CRNN: variants seen among roughly 807,000 people sequenced by gnomAD.
The protein encoded by CRNN is cornulin, also known as 53 kDa putative calcium-binding protein.
In CRNN, 39 loss-of-function variants were observed where a neutral mutation model predicts 44.7. The ratio of observed to expected loss-of-function variants is 0.87; its 90% CI spans 0.68 to 1.14. The LOEUF (loss-of-function observed/expected upper bound fraction) is 1.14, where lower values mean the gene tolerates loss of function less well. CRNN is among the 50% of genes most tolerant of loss of function. CRNN has a pLI of 0.00. For missense variants in CRNN, 606 were observed against 605.1 expected, an observed-to-expected ratio of 1.00 and a Z score of -0.02; for synonymous variants, 240 against 231.8, an observed-to-expected ratio of 1.04 and a Z score of -0.32.
chr1:152,410,172 G>T lies in CRNN; in HGVS notation c.910C>A (p.Gln304Lys). The T allele has an allele frequency of 1.2e-6, 2 of 1,613,292 alleles. No homozygotes were observed. Among genetic ancestry groups the T allele is most frequent in the Non-Finnish European group, 1.7e-6 (2 of 1,179,868 alleles). The change falls in exon 3 of 3, where the codon CAG (glutamine) becomes AAG (lysine). Residue 304 changes from glutamine (Q) to lysine (K), a missense_variant. Physicochemically the swap from Gln to Lys is moderately conservative, Grantham distance 53. Coordinates refer to ENST00000271835, the MANE Select transcript of CRNN (RefSeq NM_016190.3). ...HTQTPTQTVE[Q>K]DSSHQTGSTS... The stretch of plus-strand genomic sequence containing the variant: ...CTTCCTGTCTGGTGGCTGCTGTCCT[G>T]CTCCACGGTCTGGGTGGGTGTCTGG...
Position 152,410,075 on chromosome 1 carries a change from C to G in CRNN, c.1007G>C (p.Ser336Thr), listed in dbSNP as rs773646996. 1 of 1,613,880 alleles carries G rather than the reference C, an allele frequency of 6.2e-7. No individual in the cohort carries two copies. The highest frequency in any genetic ancestry group is 1.3e-5 in the African/African-American group (1 of 74,848). The part of the protein sequence containing the change: ...RGTEIHGQGR[S>T]QTSQAVTGGH... Reference sequence around the variant, plus strand: ...TCCTGTCACAGCCTGGCTGGTCTGGCTCCTGCCTTGACCGTGGATCTCAGT... The same window carrying G: ...TCCTGTCACAGCCTGGCTGGTCTGGGTCCTGCCTTGACCGTGGATCTCAGT... The change falls in exon 3 of 3, where the codon AGC becomes ACC. Residue 336 changes from serine (S) to threonine (T), a missense_variant. Transcript: ENST00000271835.
At position 152,410,215 on chromosome 1, in the gene CRNN, T is replaced by C. The variant is rs1570965640; in HGVS notation, c.867A>G (p.Ile289Met). ...GTGTCTGGGTGTGTGTCCCTGCCTG[T>C]ATCTGAGCATGTCCTCCTGTCACAG... ...SQAVTGGHAQ[I>M]QAGTHTQTPT... Residue 289 changes from isoleucine (I) to methionine (M), a missense_variant, in exon 3 of 3, where the codon ATA (isoleucine) becomes ATG (methionine). Physicochemically the swap from Ile to Met is conservative, Grantham distance 10. Coordinates refer to ENST00000271835, the MANE Select transcript of CRNN (RefSeq NM_016190.3). 4 of 1,613,666 alleles carry C rather than the reference T, an allele frequency of 2.5e-6. No individual in the cohort carries two copies. Among genetic ancestry groups the C allele is most frequent in the Non-Finnish European group, 3.4e-6 (4 of 1,179,868 alleles).
rs754137965 is a variant in CRNN, at chr1:152,410,620, G to T, written c.462C>A (p.Thr154=). 1.2e-6 allele frequency: 2 copies of T among 1,614,078 alleles called. No individual in the cohort carries two copies. Among genetic ancestry groups the T allele is most frequent in the Non-Finnish European group, 1.7e-6 (2 of 1,180,006 alleles). Residue 154 remains threonine, a synonymous_variant, in exon 3 of 3, where the codon ACC becomes ACA. Transcript: ENST00000271835. ...ACGCAGAGCCAGTGGCCTGACCCTGGGTCTGAACCCCAGGCCTGTTCTGCC... is the reference window on the plus strand; with the variant it reads ...ACGCAGAGCCAGTGGCCTGACCCTGTGTCTGAACCCCAGGCCTGTTCTGCC... The part of the protein sequence containing the change: ...SRGQNRPGVQ[T]QGQATGSAWV...
rs960701253 is a variant in CRNN at position 152,410,828 on chromosome 1, C to T, written c.254G>A (p.Cys85Tyr). ...AGCACTCTCGCTCAGTGTCTTGAAA[C>T]AGGCCTGGGCAACTTTAAACACTAA... Reference protein sequence around the residue: ...LVLVFKVAQACFKTLSESAEG... With the variant: ...LVLVFKVAQAYFKTLSESAEG... The change falls in exon 3 of 3, where the codon TGT becomes TAT. Residue 85 changes from cysteine (C) to tyrosine (Y), a missense_variant. Cys to Tyr is a radical substitution (Grantham distance 194). Coordinates refer to ENST00000271835, the MANE Select transcript of CRNN (RefSeq NM_016190.3). 2.5e-6 allele frequency: 4 copies of T among 1,614,118 alleles called. No homozygotes were observed. The highest frequency in any genetic ancestry group is 2.7e-5 in the African/African-American group (2 of 74,940).
chr1:152,413,636 G>T (rs1447061346), intron 1 of CRNN, among the ~76,000 whole-genome samples: 1 of 152,142 alleles, frequency 6.6e-6, no homozygotes, highest in African/African-American at 2.4e-5. Flanking sequence ...AAAAACTGGG[G>T]ATGTTTTCCT....
chr1:152,411,044 C>T, intron 2 of CRNN, 101 bp from the exon 3 acceptor site: 1 of 1,475,608 alleles, frequency 6.8e-7, no homozygotes, highest in Non-Finnish European at 8.9e-7. Flanking sequence ...AGACCCCACA[C>T]TACACACACA....
rs1655790384 is a variant in CRNN at position 152,412,229 on chromosome 1, G to A, written c.5C>T (p.Pro2Leu). 3 of 1,607,828 alleles carry A rather than the reference G, an allele frequency of 1.9e-6. No homozygotes were observed. The highest frequency in any genetic ancestry group is 1.1e-5 in the South Asian group (1 of 90,724). The change falls in exon 2 of 3, where the codon CCT becomes CTT. Residue 2 changes from proline to leucine, a missense_variant. By Grantham distance (98) the Pro-to-Leu change is moderately conservative. Coordinates refer to ENST00000271835, the MANE Select transcript of CRNN (RefSeq NM_016190.3). ...CCCATTAATGTTTTGCAGTAACTGAGGCATCTTTGAAGTCAACCTGGAAAA... is the reference window on the plus strand; with the variant it reads ...CCCATTAATGTTTTGCAGTAACTGAAGCATCTTTGAAGTCAACCTGGAAAA... M[P>L]QLLQNINGII...
At position 152,410,291 on chromosome 1, in the gene CRNN, T is replaced by C; in HGVS notation, c.791A>G (p.Gln264Arg). 6.2e-7 allele frequency: 1 copy of C among 1,614,060 alleles called. No individual in the cohort carries two copies. Among genetic ancestry groups the C allele is most frequent in the Non-Finnish European group, 8.5e-7 (1 of 1,180,000 alleles). The change falls in exon 3 of 3, where the codon CAG becomes CGG. Residue 264 changes from glutamine to arginine, a missense_variant. Physicochemically the swap from Gln to Arg is conservative, Grantham distance 43. Transcript: ENST00000271835. The stretch of plus-strand genomic sequence containing the variant: ...ACCGTGGGTCTCAGTCCCTCTGTTC[T>C]GGTCATTGGTGGCCTCCTGTGTCTG... The part of the protein sequence containing the change: ...SKQTQEATND[Q>R]NRGTETHGQG...
intron 1 of CRNN, among the ~76,000 whole-genome samples, chr1:152,413,836 A>G (rs1465850404): frequency 6.6e-6 from 1 of 152,246 alleles, no homozygotes; most frequent in Non-Finnish European, 1.5e-5. Flanking sequence ...CCCTTCATCC[A>G]TGACACAGTT....
chr1:152,412,198 G>T lies in CRNN; in HGVS notation c.36C>A (p.Ile12=). 5.0e-6 allele frequency: 8 copies of T among 1,613,202 alleles called. No individual in the cohort carries two copies. Among genetic ancestry groups the T allele is most frequent in the Non-Finnish European group, 6.8e-6 (8 of 1,179,296 alleles). Residue 12 remains isoleucine, a synonymous_variant, in exon 2 of 3, where the codon ATC becomes ATA. Coordinates refer to ENST00000271835, the MANE Select transcript of CRNN (RefSeq NM_016190.3). ...PQLLQNINGI[I]EAFRRYARTE... is the part of the protein sequence containing the mutation. The stretch of plus-strand genomic sequence containing the variant: ...TCCTTGCATAGCGCCTGAAGGCCTC[G>T]ATGATCCCATTAATGTTTTGCAGTA...
chr1:152,412,154 G>A lies in CRNN; in HGVS notation c.80C>T (p.Ala27Val), dbSNP rs35639220. The A allele has an allele frequency of 9.3e-3, 15,041 of 1,613,532 alleles. 1,171 individuals are homozygous for A. In the African/African-American group the frequency reaches 0.17, roughly 19 times the overall value. The stretch of plus-strand genomic sequence containing the variant: ...TCTTTTCAGCTCCCCTCGGGTGAGC[G>A]CTGTGCAGTTGCCCTCCGTCCTTGC... ...RYARTEGNCTALTRGELKRLL... is the reference protein window; with the variant it reads ...RYARTEGNCTVLTRGELKRLL... Residue 27 changes from alanine (A) to valine (V), a missense_variant, in exon 2 of 3, where the codon GCG becomes GTG. Physicochemically the swap from Ala to Val is moderately conservative, Grantham distance 64. Coordinates refer to ENST00000271835, the MANE Select transcript of CRNN (RefSeq NM_016190.3).
rs1655789740 is a variant in CRNN, at chr1:152,412,200, T to C, written c.34A>G (p.Ile12Val). 1 of 1,613,354 alleles carries C rather than the reference T, an allele frequency of 6.2e-7. No individual in the cohort carries two copies. The highest frequency in any genetic ancestry group is 2.2e-5 in the East Asian group (1 of 44,848). Residue 12 changes from isoleucine (I) to valine (V), a missense_variant, in exon 2 of 3, where the codon ATC (isoleucine) becomes GTC (valine). Ile to Val is a conservative substitution (Grantham distance 29, BLOSUM62 3). Transcript: ENST00000271835. ...PQLLQNINGI[I>V]EAFRRYARTE... ...CTTGCATAGCGCCTGAAGGCCTCGA[T>C]GATCCCATTAATGTTTTGCAGTAAC... is the stretch of plus-strand genomic sequence containing the variant.
intron 2 of CRNN, 147 bp from the exon 3 acceptor site, chr1:152,411,090 ATT>A (rs961510866): frequency 2.2e-6 from 3 of 1,345,480 alleles, no homozygotes; most frequent in African/African-American, 3.0e-5. Context: ...AATTGCCTTT[ATT>A]TTTTTTTAGT....
At chr1:152,412,712 C>G (rs1332400525) in intron 1 of CRNN, among the ~76,000 whole-genome samples, 1 of 152,180 alleles carries the variant, frequency 6.6e-6, no homozygotes, top group African/African-American at 2.4e-5. Context: ...TGTACATCAT[C>G]TCTTCTAATC....
chr1:152,411,366 C>T (rs1003564747), intron 2 of CRNN, among the ~76,000 whole-genome samples: 2 of 152,156 alleles, frequency 1.3e-5, no homozygotes, highest in African/African-American at 4.8e-5. Context: ...GAATTCTGTG[C>T]GCTCCTCATT....
In CRNN at chr1:152,414,228, G is replaced by C. The variant is rs1055364920; in HGVS notation, c.-28C>G. On this transcript the variant is annotated 5_prime_UTR_variant, in exon 1 of 3. Transcript: ENST00000271835. ...AGGGGACTTACCTAATGCCCAGGTGGGATGAAACAAGTGGCTGTTAAGTGG... is the reference window on the plus strand; with the variant it reads ...AGGGGACTTACCTAATGCCCAGGTGCGATGAAACAAGTGGCTGTTAAGTGG... 2 of 152,424 alleles carry C rather than the reference G, an allele frequency of 1.3e-5. No individual in the cohort carries two copies. The highest frequency in any genetic ancestry group is 4.8e-5 in the African/African-American group (2 of 41,448). 9.4% of individuals were successfully genotyped at this position (152,424 alleles called of 1,614,324 possible). A position where few individuals can be genotyped will look rare whatever the true frequency, so the allele number is the denominator to read the frequency against.
At chr1:152,411,890 T>G (rs1655780685) in intron 2 of CRNN, among the ~76,000 whole-genome samples, 1 of 152,042 alleles carries the variant, frequency 6.6e-6, no homozygotes, top group African/African-American at 2.4e-5. Context: ...AAAACCAAGG[T>G]TTTAATCTAA....
rs1570966164 is a variant in CRNN at position 152,410,778 on chromosome 1, A to G, written c.304T>C (p.Ser102Pro). 1.9e-6 allele frequency: 3 copies of G among 1,613,502 alleles called. No homozygotes were observed. Among genetic ancestry groups the G allele is most frequent in the Non-Finnish European group, 2.5e-6 (3 of 1,179,910 alleles). The change falls in exon 3 of 3, where the codon TCT becomes CCT. Residue 102 changes from serine to proline, a missense_variant. Transcript: ENST00000271835. ...GAGGCCCCAGAGTGGAGGCTTCCAG[A>G]CTCTTGAGAGCCGCAGGCTCCCTCA... is the stretch of plus-strand genomic sequence containing the variant. The part of the protein sequence containing the change: ...SAEGACGSQE[S>P]GSLHSGASQE...
At position 152,410,384 on chromosome 1, in the gene CRNN, T is replaced by G. The variant is rs1655718215; in HGVS notation, c.698A>C (p.Gln233Pro). 5.0e-6 allele frequency: 8 copies of G among 1,614,036 alleles called. No homozygotes were observed. Among genetic ancestry groups the G allele is most frequent in the Non-Finnish European group, 6.8e-6 (8 of 1,180,036 alleles). ...AGTCTGGGTGGCACCTGCCTGGGTCTGAGTTCCAGATCCAGTCACAGTCTC... is the reference window on the plus strand; with the variant it reads ...AGTCTGGGTGGCACCTGCCTGGGTCGGAGTTCCAGATCCAGTCACAGTCTC... Reference protein sequence around the residue: ...TGETVTGSGTQTQAGATQTVE... With the variant: ...TGETVTGSGTPTQAGATQTVE... The change falls in exon 3 of 3, where the codon CAG (glutamine) becomes CCG (proline). Residue 233 changes from glutamine (Q) to proline (P), a missense_variant. Transcript: ENST00000271835.
Sources: allele counts gnomAD v4.1 joint callset (sites outside exome capture counted in the v4.1 genomes callset), GRCh38; gene constraint gnomAD v4.1.1; transcripts MANE v1.5; gene names NCBI Gene and HGNC (gene_info 2026-07-23, HGNC 2026-07-21).